The following LRRC8B variants were observed in gnomAD, a reference collection of about 807,000 sequenced individuals.
LRRC8B encodes leucine rich repeat containing 8 VRAC subunit B.
LRRC8B carries 23 observed loss-of-function variants against 58.8 expected under a neutral mutation model. The observed-to-expected ratio is 0.39, with a 90% CI of 0.28 to 0.55. The LOEUF is 0.55. LRRC8B is among the 20% of genes least tolerant of loss of function. The pLI is 0.62. For synonymous variants in LRRC8B, 359 were observed against 374.1 expected (o/e 0.96, Z 0.47); for missense variants, 694 against 936.0 (o/e 0.74, Z 3.37).
Position 89,583,145 on chromosome 1 carries a change from C to T in LRRC8B, c.495C>T (p.Thr165=), listed in dbSNP as rs1654360525. The stretch of plus-strand genomic sequence containing the variant: ...ACAAGTGCTTCGATTCTCCATGGAC[C>T]ACCCGCGCCCTTTCAGAAACAGTGG... The part of the protein sequence containing the change: ...ILHKCFDSPW[T]TRALSETVAE... Residue 165 remains threonine, a synonymous_variant, in exon 5 of 6, where the codon ACC becomes ACT. Transcript: ENST00000330947. The surrounding 1 kb of genome is among the most constrained non-coding windows in gnomAD (Gnocchi z 5.2). 1 of 1,614,138 alleles carries T rather than the reference C, an allele frequency of 6.2e-7. No individual in the cohort carries two copies.
At position 89,584,321 on chromosome 1, in the gene LRRC8B, A is replaced by G. The variant is rs1654470503; in HGVS notation, c.1671A>G (p.Thr557=). The G allele has an allele frequency of 1.9e-6, 3 of 1,614,066 alleles. No individual in the cohort carries two copies. Among genetic ancestry groups the G allele is most frequent in the Non-Finnish European group, 1.7e-6 (2 of 1,180,050 alleles). ...SSLSRIPQVV[T]DLLPSLQKLS... ...TCTCCCGGATCCCACAAGTTGTTACAGACCTCCTGCCTTCATTGCAGAAAC... is the reference window on the plus strand; with the variant it reads ...TCTCCCGGATCCCACAAGTTGTTACGGACCTCCTGCCTTCATTGCAGAAAC... Residue 557 remains threonine, a synonymous_variant, in exon 5 of 6, where the codon ACA becomes ACG. Coordinates refer to ENST00000330947, the MANE Select transcript of LRRC8B (RefSeq NM_001369817.2).
chr1:89,583,695 G>A lies in LRRC8B; in HGVS notation c.1045G>A (p.Ala349Thr), dbSNP rs755715716. The change falls in exon 5 of 6, where the codon GCG (alanine) becomes ACG (threonine). Residue 349 changes from alanine to threonine, a missense_variant. By Grantham distance (58) the Ala-to-Thr change is moderately conservative (BLOSUM62 0). Transcript: ENST00000330947. The surrounding 1 kb of genome is among the most constrained non-coding windows in gnomAD (Gnocchi z 5.2). ...RSSLKQYSFE[A>T]LREKSNYSDI... ...TTCCCTGAAGCAATATTCCTTTGAG[G>A]CGTTAAGAGAAAAAAGCAACTACAG... The A allele has an allele frequency of 6.2e-7, 1 of 1,614,060 alleles. No homozygotes were observed. Among genetic ancestry groups the A allele is most frequent in the Admixed American group, 1.7e-5 (1 of 60,016 alleles).
chr1:89,539,563 G>A (rs1244083165), intron 1 of LRRC8B, among the ~76,000 whole-genome samples: 1 of 152,176 alleles, frequency 6.6e-6, no homozygotes, highest in Non-Finnish European at 1.5e-5. Context: ...TGAAGGTGAA[G>A]AAAGACTAAT....
intron 5 of LRRC8B, among the ~76,000 whole-genome samples, chr1:89,586,623 A>G (rs1487924793): frequency 6.6e-6 from 1 of 152,232 alleles, no homozygotes; most frequent in East Asian, 1.9e-4. Flanking sequence ...ATCTGAAATA[A>G]TAAGTGTGAA....
intron 5 of LRRC8B, among the ~76,000 whole-genome samples, chr1:89,589,142 A>G (rs1488585470): frequency 6.6e-6 from 1 of 152,174 alleles, no homozygotes; most frequent in Non-Finnish European, 1.5e-5. Flanking sequence ...CAGAAAGCCT[A>G]AAATACTTAT....
chr1:89,592,808 A>T lies in LRRC8B; in HGVS notation c.2177A>T (p.Lys726Met), dbSNP rs1557627946. The T allele has an allele frequency of 6.2e-7, 1 of 1,614,086 alleles. No individual in the cohort carries two copies. Among genetic ancestry groups the T allele is most frequent in the South Asian group, 1.1e-5 (1 of 91,074 alleles). ...MLPDGLFQCK[K>M]LQCLLLGKNS... is the part of the protein sequence containing the mutation. ...CCAGATGGGCTGTTTCAGTGCAAAA[A>T]GCTGCAGTGTTTACTTTTGGGGAAA... The change falls in exon 6 of 6, where the codon AAG becomes ATG. Residue 726 changes from lysine (K) to methionine (M), a missense_variant. Around this residue, in one of 5 missense-constraint regions of LRRC8B, gnomAD observed 139 missense variants for 158.2 expected, o/e 0.88. Transcript: ENST00000330947.
At chr1:89,546,471 T>TAAC (rs557201182) in intron 1 of LRRC8B, among the ~76,000 whole-genome samples, 27 of 152,186 alleles carry the variant, frequency 1.8e-4, no homozygotes, top group Non-Finnish European at 3.2e-4. Context: ...CACGGAAGAG[T>TAAC]AACTCACATC....
In LRRC8B at chr1:89,594,405, G is replaced by A. The variant is rs1204692532; in HGVS notation, c.*1362G>A. The A allele has an allele frequency of 6.6e-6, 1 of 152,122 alleles. No homozygotes were observed. The highest frequency in any genetic ancestry group is 2.4e-5 in the African/African-American group (1 of 41,418). 9.4% of individuals were successfully genotyped at this position (152,122 alleles called of 1,614,324 possible). ...TTCCATAGTTGCTGTGCAATCGTAC[G>A]GGTAAAATTCTTAATTACTTACAAA... On this transcript the variant is annotated 3_prime_UTR_variant, in exon 6 of 6. Coordinates refer to ENST00000330947, the MANE Select transcript of LRRC8B (RefSeq NM_001369817.2).
intron 5 of LRRC8B, among the ~76,000 whole-genome samples, chr1:89,585,151 G>T (rs1654534101): frequency 6.6e-6 from 1 of 152,126 alleles, no homozygotes; most frequent in African/African-American, 2.4e-5. Context: ...GGTATTTAGG[G>T]AGTTTGGCAA....
chr1:89,556,594 T>G (rs1302716820), intron 1 of LRRC8B, among the ~76,000 whole-genome samples: 1 of 151,934 alleles, frequency 6.6e-6, no homozygotes, highest in South Asian at 2.1e-4. Flanking sequence ...AGAATAGGAT[T>G]GAATTTTAGG....
chr1:89,585,223 T>G (rs1004060997), intron 5 of LRRC8B, among the ~76,000 whole-genome samples: 1 of 152,232 alleles, frequency 6.6e-6, no homozygotes, highest in Non-Finnish European at 1.5e-5. Context: ...ATGCTGGGAT[T>G]ATGAATTATT....
chr1:89,557,848 A>C (rs950782714), intron 1 of LRRC8B, among the ~76,000 whole-genome samples: 2 of 152,208 alleles, frequency 1.3e-5, no homozygotes. Flanking sequence ...TACTTACCTA[A>C]AACAGCTCTA....
intron 5 of LRRC8B, among the ~76,000 whole-genome samples, chr1:89,585,875 T>A (rs1476268202): frequency 6.6e-6 from 1 of 152,214 alleles, no homozygotes; most frequent in Non-Finnish European, 1.5e-5. Context: ...AGTTCATATG[T>A]CATGGTAAAT....
chr1:89,527,674 C>T (rs185105428), intron 1 of LRRC8B, among the ~76,000 whole-genome samples: 4 of 152,372 alleles, frequency 2.6e-5, no homozygotes, highest in Non-Finnish European at 5.9e-5. Flanking sequence ...AAACTTCCTA[C>T]ATGCCTTTAT....
rs1655193437 is a variant in LRRC8B, at chr1:89,594,617, A to G, written c.*1574A>G. 2.0e-5 allele frequency: 3 copies of G among 152,184 alleles called. No homozygotes were observed. Among genetic ancestry groups the G allele is most frequent in the Admixed American group, 1.3e-4 (2 of 15,280 alleles). The allele number at this position is 152,184 out of a possible 1,614,324, so 9.4% of individuals were successfully genotyped here. A position where few individuals can be genotyped will look rare whatever the true frequency, so the allele number is the denominator to read the frequency against. ...ATGAGTTCTCAAAACCCACAAAGAA[A>G]TAGATCCATTTAACTGAAATTCATC... On this transcript the variant is annotated 3_prime_UTR_variant, in exon 6 of 6. Coordinates refer to ENST00000330947, the MANE Select transcript of LRRC8B (RefSeq NM_001369817.2).
intron 1 of LRRC8B, among the ~76,000 whole-genome samples, chr1:89,557,583 G>T (rs1652284053): frequency 6.6e-6 from 1 of 152,184 alleles, no homozygotes; most frequent in African/African-American, 2.4e-5. Context: ...AGCCCATGCA[G>T]ATGATGGTGG....
chr1:89,542,545 G>T (rs966705297), intron 1 of LRRC8B, among the ~76,000 whole-genome samples: 1 of 152,100 alleles, frequency 6.6e-6, no homozygotes, highest in Non-Finnish European at 1.5e-5. Context: ...TCCATGTTTA[G>T]CCTGTTGTTC....
intron 1 of LRRC8B, among the ~76,000 whole-genome samples, chr1:89,561,218 A>G (rs1652624777): frequency 6.6e-6 from 1 of 150,880 alleles, no homozygotes; most frequent in Admixed American, 6.6e-5. Context: ...TCCTTCGCCC[A>G]CTTTTTGATG....
At chr1:89,525,881 C>T (rs1312902995) in intron 1 of LRRC8B, among the ~76,000 whole-genome samples, 1 of 152,146 alleles carries the variant, frequency 6.6e-6, no homozygotes, top group Non-Finnish European at 1.5e-5. Context: ...CAAAAAAACA[C>T]TCCACTGGTA....
Sources: gnomAD v4.1 joint callset for allele counts (sites outside exome capture counted in the v4.1 genomes callset) on GRCh38, gnomAD v4.1.1 for gene constraint, gnomAD v4.1.1 regional missense constraint, Gnocchi (gnomAD v3.1) non-coding constraint, MANE v1.5 for transcripts, NCBI Gene and HGNC (gene_info 2026-07-23, HGNC 2026-07-21) for gene names.